Variants in PKP4 observed in about 807,000 individuals in gnomAD.
PKP4 encodes plakophilin-4.
PKP4 carries 90 observed loss-of-function variants against 145.1 expected under a neutral mutation model. The observed-to-expected ratio is 0.62, with a 90% CI of 0.52 to 0.74. PKP4 has a LOEUF of 0.74. PKP4 is among the 30% of genes least tolerant of loss of function. The pLI, the probability that PKP4 is intolerant of heterozygous loss-of-function variation, is 0.00. For missense variants in PKP4, 1,340 were observed against 1,482.7 expected (o/e 0.90, Z 1.58); for synonymous variants, 563 against 577.2 (o/e 0.98, Z 0.35).
At chr2:158,520,227 C>T (rs1478528789) in intron 1 of PKP4, among the ~76,000 whole-genome samples, 1 of 152,160 alleles carries the variant, frequency 6.6e-6, no homozygotes, top group Non-Finnish European at 1.5e-5. Context: ...GTGTGAGCAG[C>T]CCAGGGTGCC....
intron 10 of PKP4, among the ~76,000 whole-genome samples, chr2:158,641,284 GC>G: frequency 6.6e-6 from 1 of 151,542 alleles, no homozygotes; most frequent in Non-Finnish European, 1.5e-5. Flanking sequence ...GTTGCAGTGA[GC>G]CGAGATCAAG....
intron 1 of PKP4, among the ~76,000 whole-genome samples, chr2:158,464,835 G>A (rs1690338832): frequency 2.0e-5 from 3 of 152,190 alleles, no homozygotes; most frequent in South Asian, 4.1e-4. Flanking sequence ...TACCACTAGG[G>A]GTGCAAGTGA....
chr2:158,511,114 C>T (rs576583364), intron 1 of PKP4, among the ~76,000 whole-genome samples: 12 of 152,284 alleles, frequency 7.9e-5, no homozygotes, highest in African/African-American at 1.7e-4. Flanking sequence ...GGGCTGAGCG[C>T]GGTGGCTCAC....
intron 4 of PKP4, among the ~76,000 whole-genome samples, chr2:158,619,226 T>C (rs1349759295): frequency 2.0e-5 from 3 of 152,240 alleles, no homozygotes; most frequent in African/African-American, 7.2e-5. Context: ...TGATAGAAGA[T>C]GTACAAGTAA....
chr2:158,646,093 C>T (rs921211148), intron 11 of PKP4, among the ~76,000 whole-genome samples: 7 of 152,158 alleles, frequency 4.6e-5, no homozygotes, highest in African/African-American at 1.7e-4. Flanking sequence ...CCTAATAGAT[C>T]ATATCAATCA....
At chr2:158,564,877 C>G (rs989769256) in intron 2 of PKP4, among the ~76,000 whole-genome samples, 1 of 152,190 alleles carries the variant, frequency 6.6e-6, no homozygotes, top group Admixed American at 6.5e-5. Flanking sequence ...TGTATACTTG[C>G]ATCTGGCTCT....
At chr2:158,561,926 C>A (rs4664975) in intron 2 of PKP4, among the ~76,000 whole-genome samples, 60,545 of 136,574 alleles carry the variant, frequency 0.44, 14,135 homozygotes, top group South Asian at 0.65. Flanking sequence ...ATCCCTCCCC[C>A]CAGCCCCCCA....
chr2:158,676,922 C>G, intron 20 of PKP4, 55 bp downstream of exon 20: 1 of 1,610,360 alleles, frequency 6.2e-7, no homozygotes, highest in Non-Finnish European at 8.5e-7. Context: ...CATTTCCAGG[C>G]GCTTGGCCAG....
At chr2:158,624,341 A>G (rs773266701) in intron 6 of PKP4, among the ~76,000 whole-genome samples, 36 of 152,258 alleles carry the variant, frequency 2.4e-4, no homozygotes, top group Non-Finnish European at 2.9e-4. Flanking sequence ...ATGAAAGAAC[A>G]TGTTCCTTTT....
chr2:158,541,819 C>A (rs2044548124), intron 2 of PKP4, among the ~76,000 whole-genome samples: 1 of 152,108 alleles, frequency 6.6e-6, no homozygotes, highest in African/African-American at 2.4e-5. Context: ...GAGTTATCAT[C>A]TACCCTAATA....
intron 1 of PKP4, among the ~76,000 whole-genome samples, chr2:158,460,638 G>A (rs1374851209): frequency 4.6e-5 from 7 of 152,124 alleles, no homozygotes; most frequent in Non-Finnish European, 1.5e-5. Context: ...TTTCAATTGA[G>A]CAGTAATTCC....
chr2:158,489,707 T>C (rs992384667), intron 1 of PKP4, among the ~76,000 whole-genome samples: 3 of 152,366 alleles, frequency 2.0e-5, no homozygotes, highest in African/African-American at 7.2e-5. Flanking sequence ...TTAAACCTTA[T>C]GTTATTCATG....
intron 2 of PKP4, among the ~76,000 whole-genome samples, chr2:158,539,784 A>G (rs1204605258): frequency 6.6e-6 from 1 of 152,194 alleles, no homozygotes; most frequent in Admixed American, 6.5e-5. Context: ...ATGAGGACAA[A>G]TGGCAGAGCC....
chr2:158,611,315 G>A (rs934014431), intron 4 of PKP4, among the ~76,000 whole-genome samples: 2 of 152,188 alleles, frequency 1.3e-5, no homozygotes, highest in African/African-American at 2.4e-5. Flanking sequence ...TCATTACTGT[G>A]TGAAATACTG....
At chr2:158,599,042 A>G (rs2050010079) in intron 3 of PKP4, among the ~76,000 whole-genome samples, 1 of 152,188 alleles carries the variant, frequency 6.6e-6, no homozygotes, top group Non-Finnish European at 1.5e-5. Flanking sequence ...GCACACTAGG[A>G]GGAGCCAGGT....
chr2:158,526,404 T>TC (rs1268951968), intron 1 of PKP4, among the ~76,000 whole-genome samples: 1 of 54,094 alleles, frequency 1.8e-5, no homozygotes, highest in Non-Finnish European at 3.8e-5. Context: ...TCTCAATAGA[T>TC]GCAGAAAAAG....
chr2:158,499,513 A>G (rs967082936), intron 1 of PKP4, among the ~76,000 whole-genome samples: 1 of 152,200 alleles, frequency 6.6e-6, no homozygotes, highest in African/African-American at 2.4e-5. Flanking sequence ...TTTTTAACAC[A>G]TGTCTGCATT....
At chr2:158,655,716 C>T (rs370724895) in intron 11 of PKP4, among the ~76,000 whole-genome samples, 40 of 152,330 alleles carry the variant, frequency 2.6e-4, no homozygotes, top group African/African-American at 9.6e-4. Context: ...AAATTTGTGC[C>T]AATGGCATTA....
chr2:158,503,200 G>A (rs892119400), intron 1 of PKP4, among the ~76,000 whole-genome samples: 1 of 152,226 alleles, frequency 6.6e-6, no homozygotes, highest in Non-Finnish European at 1.5e-5. Context: ...CTATGCTTCT[G>A]CTATTTCATA....
Sources: gnomAD v4.1 joint callset for allele counts (sites outside exome capture counted in the v4.1 genomes callset) on GRCh38, gnomAD v4.1.1 for gene constraint, MANE v1.5 for transcripts, NCBI Gene and HGNC (gene_info 2026-07-23, HGNC 2026-07-21) for gene names.